The following NPAS3 variants were observed in gnomAD, a reference collection of about 807,000 sequenced individuals.
NPAS3 encodes neuronal PAS domain-containing protein 3.
NPAS3 carries 14 observed loss-of-function variants against 73.1 expected under a neutral mutation model. That is an observed-to-expected ratio of 0.19 (90% CI 0.13 to 0.30). NPAS3 has a LOEUF of 0.30. Ranked by LOEUF, NPAS3 falls within the 10% of genes least tolerant of loss-of-function variation. The pLI is 1.00. For missense variants in NPAS3, 1,096 were observed against 1,250.0 expected (o/e 0.88, Z 1.86); for synonymous variants, 620 against 541.5 (o/e 1.14, Z -2.01).
At chr14:33,008,347 T>G (rs1050135106) in intron 1 of NPAS3, among the ~76,000 whole-genome samples, 3 of 152,226 alleles carry the variant, frequency 2.0e-5, no homozygotes, top group African/African-American at 7.2e-5. Flanking sequence ...CAACACTGTT[T>G]ATGCTAAACA....
chr14:33,610,946 C>T (rs779621923), intron 5 of NPAS3: 8 of 152,292 alleles, frequency 5.3e-5, no homozygotes, highest in Non-Finnish European at 1.0e-4. Flanking sequence ...AGTTGACTAT[C>T]GCTGTTTTTC....
intron 4 of NPAS3, among the ~76,000 whole-genome samples, chr14:33,501,489 CACA>C (rs2052511518): frequency 1.3e-5 from 2 of 151,864 alleles, no homozygotes; most frequent in Admixed American, 1.3e-4. Context: ...CACTCTCCTT[CACA>C]ACAATAATAC....
intron 2 of NPAS3, among the ~76,000 whole-genome samples, chr14:33,056,502 C>A (rs1014787017): frequency 5.3e-5 from 8 of 152,166 alleles, no homozygotes; most frequent in Admixed American, 1.3e-4. Flanking sequence ...AGCTTTGCAG[C>A]TAATTACTAT....
intron 3 of NPAS3, among the ~76,000 whole-genome samples, chr14:33,366,262 A>C (rs1471925650): frequency 6.6e-6 from 1 of 152,040 alleles, no homozygotes; most frequent in African/African-American, 2.4e-5. Context: ...TACTCCATTA[A>C]ATTTTTTTAA....
At chr14:33,329,479 A>G (rs1223783086) in intron 3 of NPAS3, among the ~76,000 whole-genome samples, 3 of 152,194 alleles carry the variant, frequency 2.0e-5, no homozygotes, top group Non-Finnish European at 2.9e-5. Flanking sequence ...GCCAGCCACA[A>G]GAAGTCTGGA....
Position 33,218,516 on chromosome 14 carries a change from C to T in NPAS3, c.385+3090C>T, listed in dbSNP as rs138175135. Reference sequence around the variant, plus strand: ...GTCTTCTATGTTGTGCCCTTGAAGACGTTCATACGGATAAACAAGCTTATA... The same window carrying T: ...GTCTTCTATGTTGTGCCCTTGAAGATGTTCATACGGATAAACAAGCTTATA... On this transcript the variant is annotated intron_variant, in intron 3 of 11. Coordinates refer to ENST00000356141, the Ensembl canonical transcript of NPAS3. Among the ~76,000 whole-genome samples the T allele has an allele frequency of 4.0e-3, 608 of 152,230 alleles. 6 individuals carry two copies. Among genetic ancestry groups the T allele is most frequent in the African/African-American group, 0.013 (560 of 41,542 alleles).
chr14:33,650,768 C>T (rs1290695002), intron 5 of NPAS3, among the ~76,000 whole-genome samples: 2 of 151,182 alleles, frequency 1.3e-5, no homozygotes, highest in African/African-American at 4.9e-5. Context: ...CTCTCTCATT[C>T]TGTGCTGACT....
At chr14:33,546,104 C>A (rs563844047) in intron 4 of NPAS3, among the ~76,000 whole-genome samples, 1 of 152,178 alleles carries the variant, frequency 6.6e-6, no homozygotes, top group Admixed American at 6.5e-5. Context: ...CAGGAGTCTA[C>A]CTCTATAGCA....
At chr14:33,302,221 TTTTC>T (rs1233154842) in intron 3 of NPAS3, among the ~76,000 whole-genome samples, 2 of 152,186 alleles carry the variant, frequency 1.3e-5, no homozygotes, top group African/African-American at 4.8e-5. Flanking sequence ...GAAAATATAA[TTTTC>T]TTTCTACTAC....
chr14:33,393,284 T>G (rs368602997), intron 4 of NPAS3, among the ~76,000 whole-genome samples: 2 of 152,250 alleles, frequency 1.3e-5, no homozygotes, highest in East Asian at 3.9e-4. Context: ...GCTGATAGTT[T>G]TTTATAAGGT....
At chr14:33,064,500 G>C (rs553532535) in intron 2 of NPAS3, among the ~76,000 whole-genome samples, 1 of 152,152 alleles carries the variant, frequency 6.6e-6, no homozygotes, top group African/African-American at 2.4e-5. Context: ...AGCAGGCTTT[G>C]GTGGGCCTTC....
chr14:33,709,281 G>T (rs530858040), intron 6 of NPAS3, among the ~76,000 whole-genome samples: 4 of 152,332 alleles, frequency 2.6e-5, no homozygotes, highest in African/African-American at 4.8e-5. Context: ...TGAATAGGAG[G>T]TTAATCAGCT....
intron 5 of NPAS3, among the ~76,000 whole-genome samples, chr14:33,574,051 T>C (rs1042390716): frequency 1.3e-5 from 2 of 152,194 alleles, no homozygotes; most frequent in African/African-American, 4.8e-5. Context: ...ATCTGTTGAA[T>C]GGACAGACTT....
At chr14:33,700,926 C>T (rs1555316834) in intron 6 of NPAS3, among the ~76,000 whole-genome samples, 2 of 152,206 alleles carry the variant, frequency 1.3e-5, no homozygotes, top group Middle Eastern at 3.2e-3. Flanking sequence ...ACAGATAAAG[C>T]ACCATGTAGG....
intron 2 of NPAS3, among the ~76,000 whole-genome samples, chr14:33,078,610 A>G (rs2041756983): frequency 6.6e-6 from 1 of 152,164 alleles, no homozygotes; most frequent in Admixed American, 6.5e-5. Context: ...GGTATCAGTT[A>G]AGAAAGAGAT....
intron 2 of NPAS3, among the ~76,000 whole-genome samples, chr14:33,101,579 C>T (rs945396203): frequency 6.6e-6 from 1 of 152,046 alleles, no homozygotes; most frequent in Non-Finnish European, 1.5e-5. Context: ...ATGAATGATA[C>T]CCTGATCAGG....
intron 1 of NPAS3, among the ~76,000 whole-genome samples, chr14:33,012,710 G>A (rs991663785): frequency 2.6e-5 from 4 of 151,982 alleles, no homozygotes; most frequent in Non-Finnish European, 5.9e-5. Flanking sequence ...CACCACACAT[G>A]GCTAATTTTT....
chr14:33,698,638 C>G (rs181828266), intron 6 of NPAS3, among the ~76,000 whole-genome samples: 1 of 152,336 alleles, frequency 6.6e-6, no homozygotes, highest in African/African-American at 2.4e-5. Context: ...ATACCCTCCC[C>G]TAAACGTTAG....
In NPAS3 at chr14:33,072,291, C is replaced by G. The variant is rs148672162; in HGVS notation, c.140+16297C>G. Among the ~76,000 whole-genome samples, 371 of 152,266 alleles carry G rather than the reference C, an allele frequency of 2.4e-3. 13 individuals carry two copies. The East Asian group carries it at 0.06, about 25-fold the overall frequency. On this transcript the variant is annotated intron_variant, in intron 2 of 11. Coordinates refer to ENST00000356141, the Ensembl canonical transcript of NPAS3. The stretch of plus-strand genomic sequence containing the variant: ...ATATTCTAGACTAATTTATGGGAAC[C>G]ACACTTCCTTTGGAAAAGGACGTGA...
Sources: allele counts gnomAD v4.1 joint callset (sites outside exome capture counted in the v4.1 genomes callset), GRCh38; gene constraint gnomAD v4.1.1; transcripts MANE v1.5; gene names NCBI Gene and HGNC (gene_info 2026-07-23, HGNC 2026-07-21).